ASXL2: variants seen among roughly 807,000 people sequenced by gnomAD.
ASXL2 encodes the protein ASXL transcriptional regulator 2.
In ASXL2, 23 loss-of-function variants were observed where a neutral mutation model predicts 122.0. That is an observed-to-expected ratio of 0.19 (90% confidence interval 0.14 to 0.27). The LOEUF (loss-of-function observed/expected upper bound fraction) is 0.27, where lower values mean the gene tolerates loss of function less well. Ranked by LOEUF, ASXL2 falls within the 10% of genes least tolerant of loss-of-function variation. The pLI, the probability that ASXL2 is intolerant of heterozygous loss-of-function variation, is 1.00. For synonymous variants in ASXL2, 650 were observed against 637.0 expected (o/e 1.02, Z -0.31); for missense variants, 1,518 against 1,713.8 (o/e 0.89, Z 2.02).
Position 25,736,779 on chromosome 2 carries a change from C to G in ASXL2, c.*5250G>C, listed in dbSNP as rs1034750675. 10 of 152,212 alleles carry G rather than the reference C, an allele frequency of 6.6e-5. No individual in the cohort carries two copies. Among genetic ancestry groups the G allele is most frequent in the Non-Finnish European group, 1.0e-4 (7 of 68,002 alleles). The allele number at this position is 152,212 out of a possible 1,614,324, so 9.4% of individuals were successfully genotyped here. A position where few individuals can be genotyped will look rare whatever the true frequency, so the allele number is the denominator to read the frequency against. On this transcript the variant is annotated 3_prime_UTR_variant, in exon 13 of 13. Coordinates refer to ENST00000435504, the MANE Select transcript of ASXL2 (RefSeq NM_018263.6). ...ATAAAAAGTCAGTTTTATGGGTCAT[C>G]AAGATACACTCTCGAAAATCTGACC...
At chr2:25,801,575 A>T (rs2088997786) in intron 4 of ASXL2, among the ~76,000 whole-genome samples, 1 of 152,188 alleles carries the variant, frequency 6.6e-6, no homozygotes, top group African/African-American at 2.4e-5. Flanking sequence ...TCAGCCAGAC[A>T]TCTTGTCATA....
At chr2:25,873,341 G>T (rs1372092389) in intron 1 of ASXL2, among the ~76,000 whole-genome samples, 1 of 152,086 alleles carries the variant, frequency 6.6e-6, no homozygotes, top group Non-Finnish European at 1.5e-5. Context: ...AACCCAGGAG[G>T]CAGAGGTTGC....
At chr2:25,747,902 C>G (rs1031883371) in intron 12 of ASXL2, among the ~76,000 whole-genome samples, 3 of 152,154 alleles carry the variant, frequency 2.0e-5, no homozygotes, top group Non-Finnish European at 4.4e-5. Context: ...GGCGTGGTGG[C>G]TCACACCTAT....
chr2:25,791,711 C>A (rs1304575787), intron 5 of ASXL2, among the ~76,000 whole-genome samples: 1 of 152,146 alleles, frequency 6.6e-6, no homozygotes, highest in Non-Finnish European at 1.5e-5. Flanking sequence ...AGTGATTAAA[C>A]TCTCCAGAGA....
At chr2:25,778,378 A>C (rs1388120740) in intron 5 of ASXL2, among the ~76,000 whole-genome samples, 1 of 152,198 alleles carries the variant, frequency 6.6e-6, no homozygotes, top group East Asian at 1.9e-4. Flanking sequence ...AGTCAGCAAG[A>C]AAAAGGTTAG....
rs113503588 is a variant in ASXL2 at position 25,742,149 on chromosome 2, C to T, written c.4188G>A (p.Thr1396=). The T allele has an allele frequency of 2.3e-4, 367 of 1,614,052 alleles. No homozygotes were observed. The African/African-American group carries it at 3.6e-3, about 16-fold the overall frequency. ...TCAAGCGGCAGTAACATTTCGAAGG[C>T]GTGCCCTCTATGCTGTTCTCTTCGG... is the stretch of plus-strand genomic sequence containing the variant. ...AFSEENSIEG[T]PSKCYCRLKA... is the part of the protein sequence containing the mutation. Residue 1396 remains threonine, a synonymous_variant, in exon 13 of 13, where the codon ACG becomes ACA. Transcript: ENST00000435504.
At position 25,782,192 on chromosome 2, in the gene ASXL2, C is replaced by T. The variant is rs541682932; in HGVS notation, c.404-10652G>A. 7.2e-4 allele frequency among the ~76,000 whole-genome samples: 109 copies of T among 152,102 alleles called. 2 individuals carry two copies. Among genetic ancestry groups the T allele is most frequent in the African/African-American group, 2.6e-3 (107 of 41,480 alleles). On this transcript the variant is annotated intron_variant, in intron 5 of 12. Coordinates refer to ENST00000435504, the MANE Select transcript of ASXL2 (RefSeq NM_018263.6). ...AAAAACAAAGTAGTTTTACCTAATCCTTTCTGATTCTTGTCGCCGGTTACT... is the reference window on the plus strand; with the variant it reads ...AAAAACAAAGTAGTTTTACCTAATCTTTTCTGATTCTTGTCGCCGGTTACT...
chr2:25,856,548 T>A, intron 1 of ASXL2: 1 of 1,131,636 alleles, frequency 8.8e-7, no homozygotes, highest in Non-Finnish European at 1.3e-6. Context: ...GAGTTGGTTG[T>A]ATTTCGCCAG....
chr2:25,786,195 T>A (rs767308072), intron 5 of ASXL2, among the ~76,000 whole-genome samples: 1 of 150,152 alleles, frequency 6.7e-6, no homozygotes, highest in Non-Finnish European at 1.5e-5. Context: ...GGAAACTAAC[T>A]TCATCTACTA....
intron 9 of ASXL2, among the ~76,000 whole-genome samples, chr2:25,758,080 G>A (rs955335183): frequency 6.6e-6 from 1 of 152,114 alleles, no homozygotes; most frequent in East Asian, 1.9e-4. Flanking sequence ...AAGAAGGACC[G>A]GTTTTACTTC....
chr2:25,857,897 G>A (rs1237405772), intron 1 of ASXL2, among the ~76,000 whole-genome samples: 2 of 152,030 alleles, frequency 1.3e-5, no homozygotes, highest in Non-Finnish European at 1.5e-5. Context: ...TTTTGAGACA[G>A]AGTCTCTCTC....
intron 1 of ASXL2, among the ~76,000 whole-genome samples, chr2:25,868,060 T>C (rs547433385): frequency 2.1e-4 from 32 of 152,366 alleles, no homozygotes; most frequent in Middle Eastern, 3.4e-3. Flanking sequence ...TGTATCAGGA[T>C]TGTGGGTACA....
intron 6 of ASXL2, 29 bp from the exon 7 acceptor site, chr2:25,768,897 C>A (rs2088399054): frequency 4.4e-6 from 7 of 1,598,800 alleles, no homozygotes; most frequent in Non-Finnish European, 3.4e-6. Context: ...CTATAAGAAA[C>A]AAAACCAATC....
rs371431833 is a variant in ASXL2, at chr2:25,765,296, T to C, written c.775+2287A>G. ...GTCAGGAGATCAAGACCATCCTGGCTAACACAGTGAAACCCCGTCTCTACT... is the reference window on the plus strand; with the variant it reads ...GTCAGGAGATCAAGACCATCCTGGCCAACACAGTGAAACCCCGTCTCTACT... On this transcript the variant is annotated intron_variant, in intron 8 of 12. Coordinates refer to ENST00000435504, the MANE Select transcript of ASXL2 (RefSeq NM_018263.6). 1.8e-4 allele frequency among the ~76,000 whole-genome samples: 27 copies of C among 152,020 alleles called. No homozygotes were observed. In the East Asian group the frequency reaches 2.1e-3, roughly 12 times the overall value.
At chr2:25,799,267 G>C in intron 5 of ASXL2, 118 bp downstream of exon 5, 3 of 1,389,932 alleles carry the variant, frequency 2.2e-6, no homozygotes, top group Non-Finnish European at 3.0e-6. Context: ...TGACAGGACT[G>C]TTATAGAGGG....
Position 25,743,044 on chromosome 2 carries a change from T to C in ASXL2, c.3293A>G (p.Glu1098Gly), listed in dbSNP as rs1225224938. Residue 1098 changes from glutamate to glycine, a missense_variant, in exon 13 of 13, where the codon GAA (glutamate) becomes GGA (glycine). Around this residue, in one of 8 missense-constraint regions of ASXL2, gnomAD observed 831 missense variants for 833.1 expected, o/e 1.00. Transcript: ENST00000435504. ...FNFAHSGFQL[E>G]DISTSQRFML... is the part of the protein sequence containing the mutation. ...GAACCTCTGGCTTGTGGAGATGTCT[T>C]CCAGCTGGAAACCTGAGTGAGCGAA... The C allele has an allele frequency of 1.9e-6, 3 of 1,613,992 alleles. No homozygotes were observed. The highest frequency in any genetic ancestry group is 2.5e-6 in the Non-Finnish European group (3 of 1,179,882).
intron 10 of ASXL2, among the ~76,000 whole-genome samples, chr2:25,754,574 G>T (rs1386189176): frequency 6.6e-6 from 1 of 152,002 alleles, no homozygotes; most frequent in African/African-American, 2.4e-5. Context: ...TGAAAATGAG[G>T]AATAAAATGT....
At chr2:25,783,638 T>G (rs1420843577) in intron 5 of ASXL2, among the ~76,000 whole-genome samples, 4 of 152,128 alleles carry the variant, frequency 2.6e-5, no homozygotes, top group African/African-American at 7.2e-5. Flanking sequence ...TATTATAAAC[T>G]GCCTTCCAGA....
At position 25,742,939 on chromosome 2, in the gene ASXL2, C is replaced by T. The variant is rs768613233; in HGVS notation, c.3398G>A (p.Arg1133Gln). ...HYLLNISTYG[R>Q]GSESFRRTHS... ...GGTCCTCCTAAAGCTCTCTGAGCCC[C>T]GGCCGTAGGTAGAAATATTCAGTAA... The change falls in exon 13 of 13, where the codon CGG (arginine) becomes CAG (glutamine). Residue 1133 changes from arginine (R) to glutamine (Q), a missense_variant. This residue lies in a region of ASXL2 where 831 missense variants were observed against 833.1 expected (regional missense o/e 1.00). Coordinates refer to ENST00000435504, the MANE Select transcript of ASXL2 (RefSeq NM_018263.6). 13 of 1,613,826 alleles carry T rather than the reference C, an allele frequency of 8.1e-6. No homozygotes were observed. The highest frequency in any genetic ancestry group is 4.0e-5 in the African/African-American group (3 of 74,912).
Sources: gnomAD v4.1 joint callset for allele counts (sites outside exome capture counted in the v4.1 genomes callset) on GRCh38, gnomAD v4.1.1 for gene constraint, gnomAD v4.1.1 regional missense constraint, MANE v1.5 for transcripts, NCBI Gene and HGNC (gene_info 2026-07-23, HGNC 2026-07-21) for gene names.